SNX16: variants seen among roughly 807,000 people sequenced by gnomAD.
SNX16 encodes the protein sorting nexin 16, also known as sorting nexin-16.
In SNX16, 35 loss-of-function variants were observed where a neutral mutation model predicts 36.7. That is an observed-to-expected ratio of 0.95 (90% CI 0.73 to 1.27). The LOEUF is 1.27. SNX16 is among the 50% of genes most tolerant of loss of function. The probability of loss-of-function intolerance (pLI) is 0.00; values close to 1 mark genes in which losing one functional copy is unlikely to be tolerated. For missense variants in SNX16, 367 were observed against 393.6 expected (o/e 0.93, Z 0.57); for synonymous variants, 134 against 132.0 (o/e 1.02, Z -0.10).
At chr8:81,826,080 G>C (rs1034148575) in intron 3 of SNX16, among the ~76,000 whole-genome samples, 1 of 151,732 alleles carries the variant, frequency 6.6e-6, no homozygotes, top group Non-Finnish European at 1.5e-5. Context: ...CCACAATTGG[G>C]TAATTCAAGA....
intron 2 of SNX16, among the ~76,000 whole-genome samples, chr8:81,839,183 C>T (rs1811626039): frequency 6.6e-6 from 1 of 152,066 alleles, no homozygotes; most frequent in Non-Finnish European, 1.5e-5. Flanking sequence ...AAACACTGTT[C>T]ACCAATATCT....
chr8:81,818,391 A>G (rs560063959), intron 4 of SNX16, among the ~76,000 whole-genome samples: 1 of 152,252 alleles, frequency 6.6e-6, no homozygotes, highest in South Asian at 2.1e-4. Context: ...TCCTGTGAAA[A>G]GATAGTTCAG....
rs752924906 is a variant in SNX16 at position 81,803,246 on chromosome 8, A to G, written c.682-18T>C. The G allele has an allele frequency of 6.3e-7, 1 of 1,585,710 alleles. No homozygotes were observed. Among genetic ancestry groups the G allele is most frequent in the African/African-American group, 1.4e-5 (1 of 72,896 alleles). Reference sequence around the variant, plus strand: ...CAGAATGCCTTAAAAAAAACAACAAACAAAACTAAACACATGCAGAAAAAG... The same window carrying G: ...CAGAATGCCTTAAAAAAAACAACAAGCAAAACTAAACACATGCAGAAAAAG... On this transcript the variant is annotated intron_variant, in intron 5 of 7. Transcript: ENST00000345957.
chr8:81,834,509 C>T (rs960345824), intron 2 of SNX16, among the ~76,000 whole-genome samples: 2 of 152,122 alleles, frequency 1.3e-5, no homozygotes, highest in African/African-American at 4.8e-5. Context: ...ACAAGAAGTC[C>T]CTTCCGTCTA....
intron 2 of SNX16, among the ~76,000 whole-genome samples, chr8:81,831,320 A>G (rs901511851): frequency 6.6e-6 from 1 of 152,234 alleles, no homozygotes; most frequent in Non-Finnish European, 1.5e-5. Flanking sequence ...TGGAATAAAG[A>G]GACAACCTAC....
chr8:81,832,168 G>C (rs767043903), intron 2 of SNX16, among the ~76,000 whole-genome samples: 7 of 152,160 alleles, frequency 4.6e-5, no homozygotes, highest in Non-Finnish European at 1.0e-4. Flanking sequence ...CATCCTAGCT[G>C]TCCATCAAGG....
At chr8:81,840,134 T>A in intron 1 of SNX16, 52 bp from the exon 2 acceptor site, 2 of 878,244 alleles carry the variant, frequency 2.3e-6, no homozygotes, top group Non-Finnish European at 3.4e-6. Flanking sequence ...TGCAGCAGGA[T>A]TCAAAAGAAA....
At chr8:81,805,848 G>A (rs1158707034) in intron 5 of SNX16, among the ~76,000 whole-genome samples, 2 of 152,108 alleles carry the variant, frequency 1.3e-5, no homozygotes, top group Non-Finnish European at 2.9e-5. Flanking sequence ...GTGAACCTGG[G>A]AGGCGGAGCT....
At chr8:81,807,978 T>C in intron 5 of SNX16, 1 of 796,542 alleles carries the variant, frequency 1.3e-6, no homozygotes, top group South Asian at 1.3e-5. Flanking sequence ...GGGAGGTGGA[T>C]GCAGCCGTGA....
intron 2 of SNX16, among the ~76,000 whole-genome samples, chr8:81,833,847 T>C (rs1258189139): frequency 6.6e-6 from 1 of 152,226 alleles, no homozygotes; most frequent in African/African-American, 2.4e-5. Flanking sequence ...TTCCCTTCTC[T>C]ATATTCCAAT....
At chr8:81,829,056 A>C (rs1382118878) in intron 3 of SNX16, among the ~76,000 whole-genome samples, 2 of 152,152 alleles carry the variant, frequency 1.3e-5, no homozygotes, top group Non-Finnish European at 2.9e-5. Flanking sequence ...CACACCACTA[A>C]ATAATAAACA....
At position 81,815,373 on chromosome 8, in the gene SNX16, A is replaced by C; in HGVS notation, c.633T>G (p.Leu211=). 1 of 1,612,806 alleles carries C rather than the reference A, an allele frequency of 6.2e-7. No individual in the cohort carries two copies. The highest frequency in any genetic ancestry group is 2.2e-5 in the East Asian group (1 of 44,746). The part of the protein sequence containing the change: ...IANCLAVREF[L]CLDDPPGPFD... ...ATGGACCCGGTGGATCATCCAAACA[A>C]AGAAATTCTCTCACTGCAAGGCTTT... The change falls in exon 5 of 8, where the codon CTT becomes CTG. Residue 211 remains leucine, a synonymous_variant. Transcript: ENST00000345957.
Position 81,802,450 on chromosome 8 carries a change from C to T in SNX16, c.868G>A (p.Gly290Ser). 2 of 1,610,104 alleles carry T rather than the reference C, an allele frequency of 1.2e-6. No homozygotes were observed. Among genetic ancestry groups the T allele is most frequent in the Non-Finnish European group, 1.7e-6 (2 of 1,177,444 alleles). ...EESLDVSETE[G>S]EQILKVESSA... ...GACTCCACCTTTAGGATCTGTTCAC[C>T]TTCTGTTTCTGACACATCCAGTGAT... Residue 290 changes from glycine (G) to serine (S), a missense_variant, in exon 7 of 8, where the codon GGT becomes AGT. Coordinates refer to ENST00000345957, the MANE Select transcript of SNX16 (RefSeq NM_152836.3).
At chr8:81,807,325 T>G (rs1311024257) in intron 5 of SNX16, among the ~76,000 whole-genome samples, 2 of 151,014 alleles carry the variant, frequency 1.3e-5, no homozygotes, top group Non-Finnish European at 1.5e-5. Flanking sequence ...TCAAGACCAG[T>G]CTGGCCAACA....
intron 5 of SNX16, among the ~76,000 whole-genome samples, chr8:81,805,618 A>T (rs894405282): frequency 1.3e-5 from 2 of 152,210 alleles, no homozygotes; most frequent in Non-Finnish European, 2.9e-5. Flanking sequence ...TTCAAAAGTC[A>T]TGTGATACTA....
Position 81,802,514 on chromosome 8 carries a change from T to C in SNX16, c.819-15A>G, listed in dbSNP as rs758458535. The C allele has an allele frequency of 8.2e-6, 13 of 1,594,830 alleles. No homozygotes were observed. Among genetic ancestry groups the C allele is most frequent in the Middle Eastern group, 1.7e-4 (1 of 5,984 alleles). On this transcript the variant is annotated splice_polypyrimidine_tract_variant and intron_variant, in intron 6 of 7. Coordinates refer to ENST00000345957, the MANE Select transcript of SNX16 (RefSeq NM_152836.3). Reference sequence around the variant, plus strand: ...AAGACAATGTTCTAAAAGTATGTTATAGCAACAAGTTATTTTCTATGAACA... The same window carrying C: ...AAGACAATGTTCTAAAAGTATGTTACAGCAACAAGTTATTTTCTATGAACA...
At chr8:81,807,891 C>T in intron 5 of SNX16, 1 of 766,562 alleles carries the variant, frequency 1.3e-6, no homozygotes, top group South Asian at 1.3e-5. Context: ...GGGGAACCCT[C>T]ACGAACTGTG....
In SNX16 at chr8:81,841,306, A is replaced by G. The variant is rs557160850; in HGVS notation, c.-97+816T>C. The stretch of plus-strand genomic sequence containing the variant: ...CAGTTTGCCGAGATCGTGCCATTGC[A>G]CTCCAGCCTGGGCTACAAGAGGAAA... On this transcript the variant is annotated intron_variant, in intron 1 of 7. Transcript: ENST00000345957. Among the ~76,000 whole-genome samples, 344 of 145,146 alleles carry G rather than the reference A, an allele frequency of 2.4e-3. 2 individuals carry two copies. Among genetic ancestry groups the G allele is most frequent in the Non-Finnish European group, 3.9e-3 (262 of 67,276 alleles).
chr8:81,812,697 A>G (rs1043311534), intron 5 of SNX16, among the ~76,000 whole-genome samples: 1 of 152,108 alleles, frequency 6.6e-6, no homozygotes. Context: ...ACCTCCAGGA[A>G]GAAATGAAGA....
Sources: gnomAD v4.1 joint callset for allele counts (sites outside exome capture counted in the v4.1 genomes callset) on GRCh38, gnomAD v4.1.1 for gene constraint, MANE v1.5 for transcripts, NCBI Gene and HGNC (gene_info 2026-07-23, HGNC 2026-07-21) for gene names.